SUGT1: variants seen among roughly 807,000 people sequenced by gnomAD.
The protein encoded by SUGT1 is SGT1 assembly cochaperone of MIS12 kinetochore complex, also known as protein SGT1 homolog.
A neutral mutation model predicts 56.1 loss-of-function variants in SUGT1; 15 were observed. That is an observed-to-expected ratio of 0.27 (90% CI 0.18 to 0.41). The LOEUF (loss-of-function observed/expected upper bound fraction) is 0.41, where lower values mean the gene tolerates loss of function less well. SUGT1 is among the 10% of genes least tolerant of loss of function. SUGT1 has a pLI of 1.00. For missense variants in SUGT1, 347 were observed against 382.2 expected, an observed-to-expected ratio of 0.91 and a Z score of 0.77; for synonymous variants, 123 against 128.6, an observed-to-expected ratio of 0.96 and a Z score of 0.30.
Position 52,664,019 on chromosome 13 carries a change from T to A in SUGT1, c.400-16T>A. On this transcript the variant is annotated splice_polypyrimidine_tract_variant and intron_variant, in intron 7 of 12. Transcript: ENST00000310528. ...ATCTTTCTCTTTCAACTTACCAAAA[T>A]CAATCTGCATCCCAGTGGACTCATC... 1 of 1,612,592 alleles carries A rather than the reference T, an allele frequency of 6.2e-7. No individual in the cohort carries two copies. The highest frequency in any genetic ancestry group is 2.2e-5 in the East Asian group (1 of 44,706).
At chr13:52,659,987 C>T (rs1240269667) in intron 5 of SUGT1, among the ~76,000 whole-genome samples, 2 of 150,980 alleles carry the variant, frequency 1.3e-5, no homozygotes, top group Non-Finnish European at 3.0e-5. Context: ...CACCACCACG[C>T]CCGGCCAATT....
intron 12 of SUGT1, among the ~76,000 whole-genome samples, chr13:52,684,894 G>A (rs1273142526): frequency 1.2e-5 from 1 of 80,038 alleles, no homozygotes; most frequent in African/African-American, 5.3e-5. Flanking sequence ...AGAGAGAGCA[G>A]GGGTTTGTTG....
At position 52,687,830 on chromosome 13, in the gene SUGT1, T is replaced by G; in HGVS notation, c.997T>G (p.Tyr333Asp). 6.3e-7 allele frequency: 1 copy of G among 1,593,162 alleles called. No homozygotes were observed. The highest frequency in any genetic ancestry group is 8.5e-7 in the Non-Finnish European group (1 of 1,170,148). Residue 333 changes from tyrosine (Y) to aspartate (D), a missense_variant, in exon 13 of 13, where the codon TAC (tyrosine) becomes GAC (aspartate). Physicochemically the swap from Tyr to Asp is radical, Grantham distance 160. Coordinates refer to ENST00000310528, the MANE Select transcript of SUGT1 (RefSeq NM_006704.5). ...TCCTGATGATATGGAATGGAAAAAG[T>G]ACTAAATAAATTAATTTGCTCTCAT... The part of the protein sequence containing the change: ...NPPDDMEWKK[Y>D]
Position 52,664,024 on chromosome 13 carries a change from C to G in SUGT1, c.400-11C>G. 6.2e-7 allele frequency: 1 copy of G among 1,612,832 alleles called. No homozygotes were observed. The highest frequency in any genetic ancestry group is 1.3e-5 in the African/African-American group (1 of 75,006). ...TCTCTTTCAACTTACCAAAATCAAT[C>G]TGCATCCCAGTGGACTCATCAGTCA... On this transcript the variant is annotated splice_polypyrimidine_tract_variant and intron_variant, in intron 7 of 12. Coordinates refer to ENST00000310528, the MANE Select transcript of SUGT1 (RefSeq NM_006704.5).
chr13:52,695,564 A>AT lies in SUGT1; in HGVS notation c.*7735dup, dbSNP rs1395845192. Reference sequence around the variant, plus strand: ...TACTTAAATGTAAAGTCCTTGATTTATTTTTTCCCCTCAGTCCTGTTTAGT... The same window carrying AT: ...TACTTAAATGTAAAGTCCTTGATTTATTTTTTTCCCCTCAGTCCTGTTTAGT... On this transcript the variant is annotated 3_prime_UTR_variant, in exon 13 of 13. Coordinates refer to ENST00000310528, the MANE Select transcript of SUGT1 (RefSeq NM_006704.5). The AT allele has an allele frequency of 2.0e-5, 3 of 152,104 alleles. No individual in the cohort carries two copies. Among genetic ancestry groups the AT allele is most frequent in the Non-Finnish European group, 4.4e-5 (3 of 68,020 alleles). The allele number at this position is 152,104 out of a possible 1,614,324, so 9.4% of individuals were successfully genotyped here.
rs1483900829 is a variant in SUGT1 at position 52,692,932 on chromosome 13, G to C, written c.*5097G>C. 3 of 152,196 alleles carry C rather than the reference G, an allele frequency of 2.0e-5. No homozygotes were observed. The highest frequency in any genetic ancestry group is 4.4e-5 in the Non-Finnish European group (3 of 68,038). 9.4% of individuals were successfully genotyped at this position (152,196 alleles called of 1,614,324 possible). A position where few individuals can be genotyped will look rare whatever the true frequency, so the allele number is the denominator to read the frequency against. ...TGCATGTGTAAGAAGACTGGTACATGATGCCAATGAAATTCTTTTTTTCCT... is the reference window on the plus strand; with the variant it reads ...TGCATGTGTAAGAAGACTGGTACATCATGCCAATGAAATTCTTTTTTTCCT... On this transcript the variant is annotated 3_prime_UTR_variant, in exon 13 of 13. Transcript: ENST00000310528.
intron 12 of SUGT1, among the ~76,000 whole-genome samples, chr13:52,681,866 A>G (rs897732997): frequency 6.6e-6 from 1 of 151,212 alleles, no homozygotes; most frequent in African/African-American, 2.4e-5. Context: ...AGAGAGAGAT[A>G]GAACATTTTC....
Position 52,652,960 on chromosome 13 carries a change from T to A in SUGT1, c.38+2T>A. Reference sequence around the variant, plus strand: ...AGCAGGAACTGCAACATCCCAGAGGTGCATGTTTTTCTTTCCCTTTGGTAT... The same window carrying A: ...AGCAGGAACTGCAACATCCCAGAGGAGCATGTTTTTCTTTCCCTTTGGTAT... On this transcript the variant is annotated splice_donor_variant, in intron 1 of 12. Transcript: ENST00000310528. LOFTEE classifies it high-confidence loss of function. 1 of 1,614,096 alleles carries A rather than the reference T, an allele frequency of 6.2e-7. No homozygotes were observed. Among genetic ancestry groups the A allele is most frequent in the Non-Finnish European group, 8.5e-7 (1 of 1,179,962 alleles).
At chr13:52,657,493 A>G (rs1392521134) in intron 2 of SUGT1, 39 bp from the exon 3 acceptor site, 2 of 1,563,224 alleles carry the variant, frequency 1.3e-6, no homozygotes, top group South Asian at 2.3e-5. Flanking sequence ...ATGGCTTCTT[A>G]CAAACTTTTA....
chr13:52,663,201 C>T (rs1215617787), intron 7 of SUGT1, 89 bp downstream of exon 7: 1 of 1,342,072 alleles, frequency 7.5e-7, no homozygotes, highest in Non-Finnish European at 1.0e-6. Flanking sequence ...GATGAGCTGT[C>T]TGATATTTAA....
At chr13:52,657,988 A>G in intron 3 of SUGT1, 2 of 786,754 alleles carry the variant, frequency 2.5e-6, no homozygotes, top group Non-Finnish European at 3.3e-6. Context: ...TTGGGAGACC[A>G]AAGCAGGAGG....
intron 12 of SUGT1, chr13:52,687,492 T>A (rs1963643458): frequency 4.1e-6 from 1 of 245,256 alleles, no homozygotes. Flanking sequence ...GATTTCCTTT[T>A]CAGATTTTAT....
intron 10 of SUGT1, among the ~76,000 whole-genome samples, chr13:52,668,919 G>C (rs1457092607): frequency 1.3e-5 from 2 of 151,952 alleles, no homozygotes; most frequent in African/African-American, 4.8e-5. Flanking sequence ...TTAAGAACTT[G>C]TATTACTGAG....
chr13:52,672,747 TCTTA>T (rs1289153253), intron 10 of SUGT1, among the ~76,000 whole-genome samples: 1 of 152,212 alleles, frequency 6.6e-6, no homozygotes, highest in African/African-American at 2.4e-5. Flanking sequence ...GTAGGTGGGA[TCTTA>T]CTTACCACTT....
rs1222123977 is a variant in SUGT1 at position 52,691,625 on chromosome 13, G to A, written c.*3790G>A. 1 of 152,172 alleles carries A rather than the reference G, an allele frequency of 6.6e-6. No homozygotes were observed. The highest frequency in any genetic ancestry group is 2.4e-5 in the African/African-American group (1 of 41,446). 9.4% of individuals were successfully genotyped at this position (152,172 alleles called of 1,614,324 possible). ...AAAAGGTAGACGGTTTCTAGGTGGT[G>A]TGTGTTTTTGTTAGTTACTAGAGCC... On this transcript the variant is annotated 3_prime_UTR_variant, in exon 13 of 13. Transcript: ENST00000310528.
rs1341207972 is a variant in SUGT1, at chr13:52,699,461, G to A, written c.*11626G>A. 2 of 152,146 alleles carry A rather than the reference G, an allele frequency of 1.3e-5. No homozygotes were observed. The highest frequency in any genetic ancestry group is 2.4e-5 in the African/African-American group (1 of 41,428). The allele number at this position is 152,146 out of a possible 1,614,324, so 9.4% of individuals were successfully genotyped here. The stretch of plus-strand genomic sequence containing the variant: ...GATGATGCCTGTTTAATTACCCATA[G>A]GTGCTAAGTGAATGTTAAAAATTAC... On this transcript the variant is annotated 3_prime_UTR_variant, in exon 13 of 13. Transcript: ENST00000310528.
In SUGT1 at chr13:52,699,603, T is replaced by TA. The variant is rs1964029360; in HGVS notation, c.*11770dup. The TA allele has an allele frequency of 6.6e-6, 1 of 152,242 alleles. No individual in the cohort carries two copies. Among genetic ancestry groups the TA allele is most frequent in the Admixed American group, 6.5e-5 (1 of 15,286 alleles). The allele number at this position is 152,242 out of a possible 1,614,324, so 9.4% of individuals were successfully genotyped here. On this transcript the variant is annotated 3_prime_UTR_variant, in exon 13 of 13. Transcript: ENST00000310528. ...AACTTAACAGGCAGGAATATGGTTT[T>TA]AATGGAAAGGAAACCATTTGCCTTT...
At chr13:52,659,940 T>G (rs550828252) in intron 5 of SUGT1, among the ~76,000 whole-genome samples, 1 of 149,380 alleles carries the variant, frequency 6.7e-6, no homozygotes, top group African/African-American at 2.5e-5. Flanking sequence ...GCCATTCTTC[T>G]GCCTCAGCCC....
chr13:52,668,945 G>A (rs937153950), intron 10 of SUGT1, among the ~76,000 whole-genome samples: 4 of 152,148 alleles, frequency 2.6e-5, no homozygotes, highest in Admixed American at 6.6e-5. Context: ...TCCTATAGTG[G>A]AAGAATATCA....
Sources: allele counts gnomAD v4.1 joint callset (sites outside exome capture counted in the v4.1 genomes callset), GRCh38; gene constraint gnomAD v4.1.1; transcripts MANE v1.5; gene names NCBI Gene and HGNC (gene_info 2026-07-23, HGNC 2026-07-21).